MACROD2: variants seen among roughly 807,000 people sequenced by gnomAD.
MACROD2 encodes the protein ADP-ribose glycohydrolase MACROD2.
In MACROD2, 36 loss-of-function variants were observed where a neutral mutation model predicts 70.4. The ratio of observed to expected loss-of-function variants is 0.51; its 90% CI spans 0.39 to 0.68. The LOEUF (loss-of-function observed/expected upper bound fraction) is 0.68, where lower values mean the gene tolerates loss of function less well. Among genes scored for constraint, MACROD2 ranks in the 30% least tolerant of loss-of-function variants. The probability of loss-of-function intolerance (pLI) is 0.00; values close to 1 mark genes in which losing one functional copy is unlikely to be tolerated. For synonymous variants in MACROD2, 172 were observed against 178.8 expected, an observed-to-expected ratio of 0.96 and a Z score of 0.30; for missense variants, 496 against 538.4, an observed-to-expected ratio of 0.92 and a Z score of 0.78.
intron 5 of MACROD2, among the ~76,000 whole-genome samples, chr20:15,067,508 C>T (rs1336494406): frequency 6.6e-6 from 1 of 152,036 alleles, no homozygotes; most frequent in African/African-American, 2.4e-5. Context: ...GGCCACCACA[C>T]CCGGCTAATT....
chr20:15,250,556 A>T (rs6043154), intron 6 of MACROD2, among the ~76,000 whole-genome samples: 3 of 152,218 alleles, frequency 2.0e-5, no homozygotes, highest in African/African-American at 7.2e-5. Context: ...GTAAGAATGT[A>T]TGTGAAATAA....
At chr20:15,363,893 G>A (rs901842086) in intron 6 of MACROD2, among the ~76,000 whole-genome samples, 1 of 152,290 alleles carries the variant, frequency 6.6e-6, no homozygotes, top group African/African-American at 2.4e-5. Context: ...TATGTTACAA[G>A]CTACAAGGAA....
At chr20:15,603,695 C>G (rs190968729) in intron 8 of MACROD2, among the ~76,000 whole-genome samples, 1 of 151,832 alleles carries the variant, frequency 6.6e-6, no homozygotes, top group Non-Finnish European at 1.5e-5. Flanking sequence ...TCCAGTATTG[C>G]AGGAAAAATC....
At chr20:14,555,225 T>C (rs1294546088) in intron 4 of MACROD2, among the ~76,000 whole-genome samples, 1 of 152,142 alleles carries the variant, frequency 6.6e-6, no homozygotes, top group Non-Finnish European at 1.5e-5. Flanking sequence ...ACATCTCATG[T>C]ACTCCACAAA....
At chr20:14,153,717 A>G (rs2055055617) in intron 3 of MACROD2, among the ~76,000 whole-genome samples, 1 of 152,226 alleles carries the variant, frequency 6.6e-6, no homozygotes, top group Non-Finnish European at 1.5e-5. Flanking sequence ...AAAAGCGAAA[A>G]TAATCATATT....
At chr20:15,558,640 T>G (rs1159682432) in intron 8 of MACROD2, among the ~76,000 whole-genome samples, 1 of 152,174 alleles carries the variant, frequency 6.6e-6, no homozygotes. Context: ...CCTTATCTTT[T>G]AGTGGCCTCA....
At chr20:14,038,108 AT>A (rs1424149388) in intron 2 of MACROD2, among the ~76,000 whole-genome samples, 3 of 152,176 alleles carry the variant, frequency 2.0e-5, no homozygotes, top group Non-Finnish European at 4.4e-5. Context: ...AGCCTGGCCA[AT>A]ATGGTGAAAC....
intron 3 of MACROD2, among the ~76,000 whole-genome samples, chr20:14,318,796 A>G (rs2082634846): frequency 6.6e-6 from 1 of 152,072 alleles, no homozygotes. Flanking sequence ...TTCTGAGAAT[A>G]TTATCTCCCT....
intron 8 of MACROD2, among the ~76,000 whole-genome samples, chr20:15,737,534 GATAGT>G (rs2051040468): frequency 6.6e-6 from 1 of 151,922 alleles, no homozygotes; most frequent in Non-Finnish European, 1.5e-5. Context: ...GTCAGCACAT[GATAGT>G]TGATGTGCAT....
chr20:14,633,118 C>T (rs937556764), intron 4 of MACROD2, among the ~76,000 whole-genome samples: 10 of 152,228 alleles, frequency 6.6e-5, no homozygotes, highest in South Asian at 2.1e-4. Context: ...AGTGGCCACT[C>T]GCCTTCTTTG....
At chr20:15,860,003 C>T (rs2064403653) in intron 8 of MACROD2, among the ~76,000 whole-genome samples, 1 of 152,074 alleles carries the variant, frequency 6.6e-6, no homozygotes, top group Admixed American at 6.5e-5. Context: ...GGCATGGTGG[C>T]ATGTGCCTGT....
chr20:15,605,501 T>C (rs1476783485), intron 8 of MACROD2, among the ~76,000 whole-genome samples: 1 of 151,092 alleles, frequency 6.6e-6, no homozygotes, highest in Non-Finnish European at 1.5e-5. Flanking sequence ...TCAGTGTTGG[T>C]TCTCAACCCT....
chr20:14,195,914 A>G (rs190904215), intron 3 of MACROD2, among the ~76,000 whole-genome samples: 40 of 152,330 alleles, frequency 2.6e-4, no homozygotes, highest in African/African-American at 9.4e-4. Context: ...CTCGGGATAC[A>G]GAAAGCCCTC....
chr20:15,106,534 C>T (rs1256004265), intron 5 of MACROD2, among the ~76,000 whole-genome samples: 1 of 152,164 alleles, frequency 6.6e-6, no homozygotes, highest in Non-Finnish European at 1.5e-5. Context: ...CCAATCCAGG[C>T]TTGAACCCTC....
chr20:15,387,397 T>A (rs1378525122), intron 6 of MACROD2, among the ~76,000 whole-genome samples: 1 of 151,220 alleles, frequency 6.6e-6, no homozygotes, highest in African/African-American at 2.4e-5. Flanking sequence ...CTCTCTGCAG[T>A]CTGCACTTTT....
At chr20:15,584,729 T>G (rs1369161026) in intron 8 of MACROD2, among the ~76,000 whole-genome samples, 1 of 152,180 alleles carries the variant, frequency 6.6e-6, no homozygotes, top group African/African-American at 2.4e-5. Flanking sequence ...GTTACCACCT[T>G]CCCGTGGGCC....
intron 3 of MACROD2, among the ~76,000 whole-genome samples, chr20:14,144,009 T>C (rs894731290): frequency 9.9e-5 from 15 of 152,182 alleles, no homozygotes; most frequent in African/African-American, 3.4e-4. Context: ...TTGACTTTTT[T>C]TTCTATCTTT....
intron 6 of MACROD2, among the ~76,000 whole-genome samples, chr20:15,277,828 A>G (rs547453893): frequency 9.2e-5 from 14 of 152,270 alleles, no homozygotes; most frequent in African/African-American, 3.4e-4. Flanking sequence ...GGGAGGAGAA[A>G]AGAGGTGTGT....
intron 3 of MACROD2, among the ~76,000 whole-genome samples, chr20:14,476,894 C>G (rs1009372115): frequency 6.6e-6 from 1 of 152,066 alleles, no homozygotes. Flanking sequence ...TTATCCATAC[C>G]TGTATCATTT....
Sources: allele counts gnomAD v4.1 joint callset (sites outside exome capture counted in the v4.1 genomes callset), GRCh38; gene constraint gnomAD v4.1.1; transcripts MANE v1.5; gene names NCBI Gene and HGNC (gene_info 2026-07-23, HGNC 2026-07-21).